Variants in ARID2 observed in about 807,000 individuals in gnomAD.
The protein encoded by ARID2 is AT-rich interaction domain 2.
In ARID2, 32 loss-of-function variants were observed where a neutral mutation model predicts 184.6. The ratio of observed to expected loss-of-function variants is 0.17; its 90% CI spans 0.13 to 0.23. ARID2 has a LOEUF of 0.23. ARID2 is among the 10% of genes least tolerant of loss of function. The pLI, the probability that ARID2 is intolerant of heterozygous loss-of-function variation, is 1.00. For synonymous variants in ARID2, 836 were observed against 772.6 expected (o/e 1.08, Z -1.36); for missense variants, 1,696 against 2,197.6 (o/e 0.77, Z 4.56).
chr12:45,864,649 A>C (rs1414776560), intron 16 of ARID2, among the ~76,000 whole-genome samples: 1 of 152,176 alleles, frequency 6.6e-6, no homozygotes, highest in African/African-American at 2.4e-5. Context: ...TATTTGATCA[A>C]GTTCTGGTTT....
intron 6 of ARID2, among the ~76,000 whole-genome samples, chr12:45,830,053 AAATT>A (rs1287330640): frequency 6.7e-6 from 1 of 149,364 alleles, no homozygotes; most frequent in African/African-American, 2.4e-5. Context: ...ATCTTTTAAT[AAATT>A]AATTTGAATT....
intron 5 of ARID2, among the ~76,000 whole-genome samples, chr12:45,820,100 A>C (rs1942873194): frequency 6.6e-6 from 1 of 152,086 alleles, no homozygotes; most frequent in Non-Finnish European, 1.5e-5. Flanking sequence ...GTCTGTCTTT[A>C]GTGGTGTGTG....
At chr12:45,870,072 G>A (rs889579189) in intron 16 of ARID2, among the ~76,000 whole-genome samples, 25 of 151,720 alleles carry the variant, frequency 1.6e-4, no homozygotes, top group African/African-American at 5.6e-4. Flanking sequence ...TGCAAGCTCC[G>A]CCTCCTGGGT....
At chr12:45,758,708 C>T (rs1350387195) in intron 3 of ARID2, among the ~76,000 whole-genome samples, 1 of 152,170 alleles carries the variant, frequency 6.6e-6, no homozygotes, top group African/African-American at 2.4e-5. Flanking sequence ...GTTTCCATCT[C>T]ATGGTCTAAG....
At chr12:45,808,425 CAT>C (rs1942640872) in intron 3 of ARID2, among the ~76,000 whole-genome samples, 1 of 152,114 alleles carries the variant, frequency 6.6e-6, no homozygotes, top group Admixed American at 6.5e-5. Context: ...ATTTCAAAAT[CAT>C]AACAGCCTAA....
At chr12:45,770,938 C>T (rs1490043423) in intron 3 of ARID2, among the ~76,000 whole-genome samples, 1 of 152,046 alleles carries the variant, frequency 6.6e-6, no homozygotes, top group African/African-American at 2.4e-5. Context: ...TGGGGTTTCA[C>T]CAGGGAACCA....
intron 11 of ARID2, chr12:45,845,964 CTT>C (rs1385687709): frequency 6.6e-6 from 1 of 152,006 alleles, no homozygotes; most frequent in Non-Finnish European, 1.5e-5. Context: ...TATAATATGA[CTT>C]TATACTTTTC....
intron 11 of ARID2, among the ~76,000 whole-genome samples, chr12:45,843,890 A>G (rs1424331538): frequency 6.6e-6 from 1 of 152,148 alleles, no homozygotes; most frequent in Admixed American, 6.5e-5. Flanking sequence ...GAAAAAGTCC[A>G]ATGTTGTTTT....
At chr12:45,793,298 T>TAA (rs76878100) in intron 3 of ARID2, among the ~76,000 whole-genome samples, 1 of 147,244 alleles carries the variant, frequency 6.8e-6, no homozygotes, top group Non-Finnish European at 1.5e-5. Context: ...GAACCTCCAT[T>TAA]AAAAAAAAAA....
chr12:45,812,216 A>G (rs766622143), intron 4 of ARID2, among the ~76,000 whole-genome samples: 5 of 151,762 alleles, frequency 3.3e-5, no homozygotes, highest in Non-Finnish European at 7.4e-5. Flanking sequence ...TAAAAAAAAA[A>G]AGAGATACTT....
intron 10 of ARID2, 115 bp from the exon 11 acceptor site, chr12:45,839,214 T>A: frequency 9.5e-7 from 1 of 1,048,818 alleles, no homozygotes; most frequent in Non-Finnish European, 1.3e-6. Flanking sequence ...GTACTGTGAT[T>A]CATGGACTAG....
intron 13 of ARID2, 133 bp from the exon 14 acceptor site, chr12:45,849,447 C>T: frequency 3.6e-6 from 2 of 558,760 alleles, no homozygotes; most frequent in Non-Finnish European, 5.9e-6. Flanking sequence ...TCCATCCTTG[C>T]AGAATATAAC....
At chr12:45,804,697 A>T (rs1331004473) in intron 3 of ARID2, among the ~76,000 whole-genome samples, 1 of 152,080 alleles carries the variant, frequency 6.6e-6, no homozygotes, top group African/African-American at 2.4e-5. Context: ...AAAAATTTTT[A>T]AATTGTGAAA....
rs1362533296 is a variant in ARID2, at chr12:45,905,940, C to CTTTT, written c.*870_*873dup. ...GAACTGTGATTTTTTTTTCTTTTTT[C>CTTTT]TTTTTTTTTTTCTTTTTTTTTTTGT... On this transcript the variant is annotated 3_prime_UTR_variant, in exon 21 of 21. Transcript: ENST00000334344. 6.0e-6 allele frequency: 1 copy of CTTTT among 166,976 alleles called. No homozygotes were observed. Among genetic ancestry groups the CTTTT allele is most frequent in the Admixed American group, 7.2e-5 (1 of 13,972 alleles). 10.3% of individuals were successfully genotyped at this position (166,976 alleles called of 1,614,324 possible).
intron 16 of ARID2, chr12:45,880,984 T>C: frequency 5.0e-6 from 1 of 198,738 alleles, no homozygotes; most frequent in South Asian, 9.9e-5. Context: ...ATAAAAGATT[T>C]TGTTTGAGGC....
At chr12:45,784,824 C>T (rs1942166392) in intron 3 of ARID2, among the ~76,000 whole-genome samples, 1 of 152,208 alleles carries the variant, frequency 6.6e-6, no homozygotes, top group African/African-American at 2.4e-5. Context: ...TATATTTAAA[C>T]TCCTGCCTTT....
chr12:45,901,234 G>A lies in ARID2; in HGVS notation c.5364-3700G>A, dbSNP rs533763769. ...TGCCCAGGCTGGAATGCAGTGGCACGATCTTGGCTCACTGCAAGCTCCACC... is the reference window on the plus strand; with the variant it reads ...TGCCCAGGCTGGAATGCAGTGGCACAATCTTGGCTCACTGCAAGCTCCACC... On this transcript the variant is annotated intron_variant, in intron 20 of 20. Coordinates refer to ENST00000334344, the MANE Select transcript of ARID2 (RefSeq NM_152641.4). Among the ~76,000 whole-genome samples the A allele has an allele frequency of 9.3e-5, 11 of 118,452 alleles. No individual in the cohort carries two copies. The South Asian group carries it at 1.5e-3, about 16-fold the overall frequency. The allele number at this position is 118,452 out of a possible 152,430, so 77.7% of individuals were successfully genotyped here. A position where few individuals can be genotyped will look rare whatever the true frequency, so the allele number is the denominator to read the frequency against.
chr12:45,832,985 T>C (rs184902061), intron 6 of ARID2, among the ~76,000 whole-genome samples: 17 of 152,322 alleles, frequency 1.1e-4, no homozygotes, highest in Admixed American at 1.0e-3. Context: ...TACTGAGGGA[T>C]GACTGAATAT....
In ARID2 at chr12:45,825,890, G is replaced by GAAA. The variant is rs375892551; in HGVS notation, c.705+4404_705+4406dup. Among the ~76,000 whole-genome samples, 624 of 151,960 alleles carry GAAA rather than the reference G, an allele frequency of 4.1e-3. 6 individuals are homozygous for GAAA. Among genetic ancestry groups the GAAA allele is most frequent in the African/African-American group, 0.013 (546 of 41,462 alleles). ...AAGGGGAAAAAAAAAAGACTTTCTG[G>GAAA]AAACTTTCATGTAGATCAGTATGAT... On this transcript the variant is annotated intron_variant, in intron 6 of 20. Transcript: ENST00000334344.
Sources: allele counts gnomAD v4.1 joint callset (sites outside exome capture counted in the v4.1 genomes callset), GRCh38; gene constraint gnomAD v4.1.1; transcripts MANE v1.5; gene names NCBI Gene and HGNC (gene_info 2026-07-23, HGNC 2026-07-21).